CHLSN: variants seen among roughly 807,000 people sequenced by gnomAD.
The protein encoded by CHLSN is protein cholesin.
chr7:985,017 C>A, the CHLSN span: 16 of 1,611,984 alleles, frequency 9.9e-6, no homozygotes, highest in Admixed American at 1.7e-5. Flanking sequence ...CCCTGCACAG[C>A]CTGGGCGTGG....
the CHLSN span, among the ~76,000 whole-genome samples, chr7:1,118,117 AG>A: frequency 1.3e-4 from 20 of 152,372 alleles, no homozygotes; most frequent in East Asian, 3.9e-3. Context: ...ACGCTTACCC[AG>A]CAAAAATATG....
At chr7:1,042,934 GTTGCT>G in the CHLSN span, among the ~76,000 whole-genome samples, 1 of 152,090 alleles carries the variant, frequency 6.6e-6, no homozygotes, top group African/African-American at 2.4e-5. Flanking sequence ...CCTGGGCTAA[GTTGCT>G]TAAGTTTTCA....
chr7:1,079,465 C>A, the CHLSN span, among the ~76,000 whole-genome samples: 16 of 152,244 alleles, frequency 1.1e-4, no homozygotes, highest in Non-Finnish European at 2.4e-4. Context: ...AGAAGCCACT[C>A]AACTGTCTAC....
the CHLSN span, among the ~76,000 whole-genome samples, chr7:1,071,427 G>A: frequency 6.6e-6 from 1 of 152,214 alleles, no homozygotes; most frequent in East Asian, 1.9e-4. Context: ...GCTCCTTGGA[G>A]AAAAGCTGAT....
At chr7:1,009,030 C>T in the CHLSN span, among the ~76,000 whole-genome samples, 7 of 86,740 alleles carry the variant, frequency 8.1e-5, no homozygotes, top group Non-Finnish European at 1.5e-4. Context: ...CATGCACACA[C>T]GTACACACAT....
chr7:997,354 T>C, the CHLSN span: 1 of 394,680 alleles, frequency 2.5e-6, no homozygotes, highest in African/African-American at 2.1e-5. Context: ...GGGGTCCGGG[T>C]GATTCCAGAG....
At chr7:1,008,265 C>A in the CHLSN span, among the ~76,000 whole-genome samples, 19 of 152,172 alleles carry the variant, frequency 1.2e-4, no homozygotes, top group Non-Finnish European at 2.8e-4. Context: ...CACCTGGGCT[C>A]GAGACGCTGC....
the CHLSN span, among the ~76,000 whole-genome samples, chr7:990,569 C>A: frequency 3.9e-5 from 6 of 152,028 alleles, no homozygotes; most frequent in Non-Finnish European, 7.4e-5. Context: ...CACGGGTGCA[C>A]GGCAGGCCTC....
chr7:1,031,116 G>A, the CHLSN span, among the ~76,000 whole-genome samples: 1 of 152,216 alleles, frequency 6.6e-6, no homozygotes, highest in Non-Finnish European at 1.5e-5. Context: ...GTCAGGAGGA[G>A]GGGCCAAGAG....
the CHLSN span, among the ~76,000 whole-genome samples, chr7:980,853 A>T: frequency 1.3e-5 from 2 of 151,850 alleles, no homozygotes; most frequent in African/African-American, 4.8e-5. Context: ...ACGCCCGGCT[A>T]ATTTTTTGTA....
chr7:1,011,792 G>A, the CHLSN span, among the ~76,000 whole-genome samples: 1 of 152,086 alleles, frequency 6.6e-6, no homozygotes, highest in African/African-American at 2.4e-5. Context: ...GAGCCTGCCA[G>A]GGGTCCGCAG....
the CHLSN span, chr7:987,492 C>A: frequency 6.5e-7 from 1 of 1,547,036 alleles, no homozygotes; most frequent in East Asian, 2.4e-5. Flanking sequence ...CCCGCTGCAC[C>A]GCGGCCGACA....
chr7:1,134,290 A>G, the CHLSN span, among the ~76,000 whole-genome samples: 2 of 151,124 alleles, frequency 1.3e-5, no homozygotes, highest in Non-Finnish European at 2.9e-5. Flanking sequence ...GGTGGGGGGC[A>G]AGGCTGAGCG....
At chr7:1,071,323 C>T in the CHLSN span, among the ~76,000 whole-genome samples, 1,257 of 152,268 alleles carry the variant, frequency 8.3e-3, 14 homozygotes, top group African/African-American at 0.029. Flanking sequence ...CTTTAATAAA[C>T]GATGCATTGG....
the CHLSN span, among the ~76,000 whole-genome samples, chr7:1,022,417 C>A: frequency 2.0e-5 from 3 of 152,236 alleles, no homozygotes; most frequent in Non-Finnish European, 4.4e-5. Flanking sequence ...TTTGTCACCT[C>A]AATTATTAGA....
chr7:1,055,218 G>C, the CHLSN span: 11 of 470,674 alleles, frequency 2.3e-5, no homozygotes, highest in African/African-American at 1.8e-4. Flanking sequence ...GTAAACAGCA[G>C]GAGGGAGGGG....
chr7:1,021,536 T>A, the CHLSN span: 6 of 985,426 alleles, frequency 6.1e-6, no homozygotes, highest in Non-Finnish European at 7.2e-6. Flanking sequence ...GCACTGTCCA[T>A]CCACCGCACA....
At chr7:1,113,355 G>A in the CHLSN span, among the ~76,000 whole-genome samples, 2 of 152,224 alleles carry the variant, frequency 1.3e-5, no homozygotes, top group Non-Finnish European at 2.9e-5. Context: ...TGCCCTGAAA[G>A]CCAGGAGTGC....
At chr7:1,046,268 C>A in the CHLSN span, among the ~76,000 whole-genome samples, 3 of 152,310 alleles carry the variant, frequency 2.0e-5, no homozygotes, top group Non-Finnish European at 2.9e-5. Context: ...TGCCGCCTGG[C>A]CTTTAATGAC....
Sources: allele counts gnomAD v4.1 joint callset (sites outside exome capture counted in the v4.1 genomes callset), GRCh38; gene constraint gnomAD v4.1.1; transcripts MANE v1.5; gene names NCBI Gene and HGNC (gene_info 2026-07-23, HGNC 2026-07-21).